The following NCOA7 variants were observed in gnomAD, a reference collection of about 807,000 sequenced individuals.
NCOA7 encodes the protein 140 kDa estrogen receptor-associated protein.
Under a neutral mutation model 104.3 loss-of-function variants are expected in NCOA7, and 45 were observed. The ratio of observed to expected loss-of-function variants is 0.43; its 90% confidence interval spans 0.34 to 0.55. The LOEUF (loss-of-function observed/expected upper bound fraction) is 0.55. NCOA7 is among the 20% of genes least tolerant of loss of function. The pLI is 0.02. For synonymous variants in NCOA7, 398 were observed against 402.3 expected (o/e 0.99, Z 0.13); for missense variants, 1,041 against 1,119.7 (o/e 0.93, Z 1.00).
Position 125,929,766 on chromosome 6 carries a change from C to G in NCOA7, c.*995C>G, listed in dbSNP as rs893350240. 1.3e-5 allele frequency: 2 copies of G among 152,092 alleles called. No individual in the cohort carries two copies. Among genetic ancestry groups the G allele is most frequent in the Non-Finnish European group, 2.9e-5 (2 of 67,994 alleles). The allele number at this position is 152,092 out of a possible 1,614,324, so 9.4% of individuals were successfully genotyped here. On this transcript the variant is annotated 3_prime_UTR_variant, in exon 16 of 16. Coordinates refer to ENST00000392477, the MANE Select transcript of NCOA7 (RefSeq NM_181782.5). ...GCTTTTGAAAAAAAATGTTTTGCTT[C>G]TTACAAAATCATTTGTGTTAATAAC...
In NCOA7 at chr6:125,878,328, G is replaced by A. The variant is rs938704388; in HGVS notation, c.417G>A (p.Val139=). 9.3e-6 allele frequency: 15 copies of A among 1,612,490 alleles called. No individual in the cohort carries two copies. The African/African-American group carries it at 1.7e-4, about 19-fold the overall frequency. ...TTAACATCACTCCCAATAAATTGGT[G>A]GAACTGAATAAACTTTTCACACATA... is the stretch of plus-strand genomic sequence containing the variant. ...LKFNITPNKL[V]ELNKLFTHTI... The change falls in exon 5 of 16, where the codon GTG becomes GTA. Residue 139 remains valine, a synonymous_variant. Transcript: ENST00000392477.
At chr6:125,825,340 A>G (rs1470965419) in intron 2 of NCOA7, among the ~76,000 whole-genome samples, 1 of 152,150 alleles carries the variant, frequency 6.6e-6, no homozygotes, top group Non-Finnish European at 1.5e-5. Context: ...GAAAAACCCA[A>G]CAATTTTTTT....
chr6:125,888,225 A>C (rs1784390248), intron 8 of NCOA7, among the ~76,000 whole-genome samples: 1 of 152,256 alleles, frequency 6.6e-6, no homozygotes, highest in Non-Finnish European at 1.5e-5. Flanking sequence ...TGAAATATTT[A>C]CTTAAGAAAT....
intron 2 of NCOA7, among the ~76,000 whole-genome samples, chr6:125,828,819 G>T (rs943755750): frequency 6.6e-5 from 10 of 152,134 alleles, no homozygotes; most frequent in Admixed American, 5.2e-4. Context: ...CACTCATGCT[G>T]TGCCAGGAGA....
upstream of NCOA7, among the ~76,000 whole-genome samples, chr6:125,787,514 T>C (rs967593606): frequency 6.6e-6 from 1 of 152,174 alleles, no homozygotes; most frequent in Non-Finnish European, 1.5e-5. Flanking sequence ...CCCTCTCTTC[T>C]TCCTTTAAGA....
chr6:125,815,322 T>C lies in NCOA7; in HGVS notation c.-33T>C, dbSNP rs780446720. On this transcript the variant is annotated 5_prime_UTR_variant, in exon 2 of 16. Coordinates refer to ENST00000392477, the MANE Select transcript of NCOA7 (RefSeq NM_181782.5). ...GACTCACTGATTAAAAAGAGGGACT[T>C]TTTCAAATACTTTGCACTTTTGATT... 1.9e-6 allele frequency: 3 copies of C among 1,562,650 alleles called. No homozygotes were observed. Among genetic ancestry groups the C allele is most frequent in the Non-Finnish European group, 2.6e-6 (3 of 1,148,540 alleles).
In NCOA7 at chr6:125,874,908, A is replaced by C. The variant is rs923583879; in HGVS notation, c.291A>C (p.Thr97=). The C allele has an allele frequency of 8.7e-6, 14 of 1,613,344 alleles. No homozygotes were observed. The highest frequency in any genetic ancestry group is 1.3e-5 in the African/African-American group (1 of 74,932). ...CTTCAGATGACAATCAAAACAAAAC[A>C]CATGATAAAAAAGAGAAGAAGATGG... ...YYSIDDNQNK[T]HDKKEKKMVV... Residue 97 remains threonine (T), a synonymous_variant, in exon 4 of 16, where the codon ACA becomes ACC. Coordinates refer to ENST00000392477, the MANE Select transcript of NCOA7 (RefSeq NM_181782.5).
At chr6:125,879,550 TG>T (rs1283251772) in intron 5 of NCOA7, among the ~76,000 whole-genome samples, 2 of 152,202 alleles carry the variant, frequency 1.3e-5, no homozygotes, top group African/African-American at 2.4e-5. Context: ...TATTTTAATG[TG>T]TTTTTTTATT....
intron 11 of NCOA7, among the ~76,000 whole-genome samples, chr6:125,920,599 T>C (rs1037095568): frequency 6.6e-6 from 1 of 152,018 alleles, no homozygotes; most frequent in Non-Finnish European, 1.5e-5. Flanking sequence ...GAGATAGGGG[T>C]CCCATCATGT....
In NCOA7 at chr6:125,885,359, G is replaced by A; in HGVS notation, c.884+16G>A. On this transcript the variant is annotated intron_variant, in intron 8 of 15. Transcript: ENST00000392477. ...CCTTGCCATCGTAAGACATTTATTTGTTTACCAGGAAAAAAGGGGTGTTGA... is the reference window on the plus strand; with the variant it reads ...CCTTGCCATCGTAAGACATTTATTTATTTACCAGGAAAAAAGGGGTGTTGA... 1 of 1,609,776 alleles carries A rather than the reference G, an allele frequency of 6.2e-7. No homozygotes were observed. The highest frequency in any genetic ancestry group is 1.1e-5 in the South Asian group (1 of 90,926).
At chr6:125,830,743 GTGTGTGTGTGTGTGTGTA>G (rs1389647355) in intron 2 of NCOA7, among the ~76,000 whole-genome samples, 31 of 147,452 alleles carry the variant, frequency 2.1e-4, no homozygotes, top group Middle Eastern at 7.0e-3. Context: ...ATATATGTGT[GTGTGTGTGTGTGTGTGTA>G]TGTGTGTGTG....
intron 1 of NCOA7, among the ~76,000 whole-genome samples, chr6:125,803,554 G>A (rs1424487394): frequency 6.6e-6 from 1 of 152,070 alleles, no homozygotes; most frequent in Non-Finnish European, 1.5e-5. Context: ...TATGCTGAAA[G>A]CACATTAAAA....
intron 2 of NCOA7, among the ~76,000 whole-genome samples, chr6:125,841,219 T>C (rs758749836): frequency 6.6e-5 from 10 of 152,042 alleles, no homozygotes; most frequent in African/African-American, 2.4e-4. Context: ...CCTGTTTAGA[T>C]ACACAAATAC....
chr6:125,872,319 T>C (rs527603709), intron 3 of NCOA7, among the ~76,000 whole-genome samples: 7 of 152,180 alleles, frequency 4.6e-5, no homozygotes, highest in Non-Finnish European at 8.8e-5. Context: ...TTAGTAGCGC[T>C]CCCCATTGGG....
At chr6:125,904,909 C>CAGAA (rs1266083730) in intron 10 of NCOA7, among the ~76,000 whole-genome samples, 1 of 152,186 alleles carries the variant, frequency 6.6e-6, no homozygotes, top group African/African-American at 2.4e-5. Context: ...TCTGCTTTCT[C>CAGAA]CTTAAATATT....
chr6:125,835,596 G>A (rs1779548468), intron 2 of NCOA7, among the ~76,000 whole-genome samples: 1 of 152,198 alleles, frequency 6.6e-6, no homozygotes, highest in Admixed American at 6.5e-5. Flanking sequence ...GCAACAGCAG[G>A]CAAAGCAAAT....
intron 10 of NCOA7, among the ~76,000 whole-genome samples, chr6:125,896,819 T>C (rs552527807): frequency 1.8e-4 from 28 of 152,308 alleles, no homozygotes; most frequent in African/African-American, 4.6e-4. Context: ...AGATTATTTA[T>C]ACCTTAATAT....
intron 10 of NCOA7, among the ~76,000 whole-genome samples, chr6:125,909,519 C>T (rs1786326936): frequency 6.6e-6 from 1 of 152,086 alleles, no homozygotes; most frequent in African/African-American, 2.4e-5. Flanking sequence ...CATGGGTTAC[C>T]TCAGAGGATG....
intron 2 of NCOA7, among the ~76,000 whole-genome samples, chr6:125,849,292 T>A (rs1210862430): frequency 1.3e-5 from 2 of 152,176 alleles, no homozygotes; most frequent in Non-Finnish European, 2.9e-5. Context: ...GTGTGCATTC[T>A]ACAAGTGCCT....
Sources: allele counts gnomAD v4.1 joint callset (sites outside exome capture counted in the v4.1 genomes callset), GRCh38; gene constraint gnomAD v4.1.1; transcripts MANE v1.5; gene names NCBI Gene and HGNC (gene_info 2026-07-23, HGNC 2026-07-21).